The following GPBP1 variants were observed in gnomAD, a reference collection of about 807,000 sequenced individuals.
The protein encoded by GPBP1 is vasculin.
A neutral mutation model predicts 56.5 loss-of-function variants in GPBP1; 13 were observed. The ratio of observed to expected loss-of-function variants is 0.23; its 90% CI spans 0.15 to 0.37. The LOEUF is 0.37. Ranked by LOEUF, GPBP1 falls within the 10% of genes least tolerant of loss-of-function variation. GPBP1 has a pLI of 1.00. For synonymous variants in GPBP1, 204 were observed against 188.9 expected, an observed-to-expected ratio of 1.08 and a Z score of -0.66; for missense variants, 477 against 572.3, an observed-to-expected ratio of 0.83 and a Z score of 1.70.
intron 4 of GPBP1, 60 bp from the exon 5 acceptor site, chr5:57,231,038 G>A (rs957836914): frequency 1.9e-6 from 3 of 1,582,428 alleles, no homozygotes; most frequent in Non-Finnish European, 2.6e-6. Flanking sequence ...GTTTTGATGT[G>A]ATTCAATCTT....
chr5:57,209,551 A>G (rs1335325345), intron 2 of GPBP1, among the ~76,000 whole-genome samples: 1 of 152,150 alleles, frequency 6.6e-6, no homozygotes, highest in Non-Finnish European at 1.5e-5. Flanking sequence ...AAAGCAGGGC[A>G]TTCTTGTCTT....
chr5:57,216,997 G>A (rs993531695), intron 3 of GPBP1, among the ~76,000 whole-genome samples: 3 of 151,900 alleles, frequency 2.0e-5, no homozygotes, highest in African/African-American at 7.3e-5. Context: ...AATAAAAATA[G>A]AATAGTTTTT....
rs545962546 is a variant in GPBP1 at position 57,178,005 on chromosome 5, T to C, written c.-58+1605T>C. ...AGTGTTTCCCTTTGTTATAATAGAC[T>C]AGGTTATATGTGTTTTCTCTGTCAG... On this transcript the variant is annotated intron_variant, in intron 2 of 11. Transcript: ENST00000506184. Among the ~76,000 whole-genome samples the C allele has an allele frequency of 8.7e-4, 133 of 152,248 alleles. 1 individual carries two copies. Among genetic ancestry groups the C allele is most frequent in the African/African-American group, 3.1e-3 (129 of 41,538 alleles).
chr5:57,224,172 G>A (rs987456209), intron 3 of GPBP1, among the ~76,000 whole-genome samples: 2 of 151,506 alleles, frequency 1.3e-5, no homozygotes, highest in African/African-American at 2.4e-5. Context: ...CTAGAGACAG[G>A]GTCTCAGACT....
chr5:57,258,565 G>T (rs997300342), intron 10 of GPBP1, among the ~76,000 whole-genome samples: 1 of 152,190 alleles, frequency 6.6e-6, no homozygotes, highest in East Asian at 1.9e-4. Context: ...TCATATGTGC[G>T]GTTGTCTGAC....
chr5:57,242,190 C>G (rs974011598), intron 6 of GPBP1, among the ~76,000 whole-genome samples: 3 of 151,820 alleles, frequency 2.0e-5, no homozygotes, highest in African/African-American at 7.3e-5. Context: ...TTCTTTTTTC[C>G]CTCTGATATC....
intron 7 of GPBP1, 120 bp from the exon 8 acceptor site, chr5:57,246,955 C>T: frequency 1.3e-6 from 1 of 763,770 alleles, no homozygotes; most frequent in East Asian, 2.7e-5. Flanking sequence ...CAGTGTGATA[C>T]AAAAATAATT....
rs868574472 is a variant in GPBP1 at position 57,191,570 on chromosome 5, T to G, written c.-58+15170T>G. ...CATTTATCTTTAGGTTTTTTTTTTT[T>G]TTGTTTGTTTGAGACCGAGTGTCAC... is the stretch of plus-strand genomic sequence containing the variant. On this transcript the variant is annotated intron_variant, in intron 2 of 11. Coordinates refer to ENST00000506184, the MANE Select transcript of GPBP1 (RefSeq NM_022913.4). Among the ~76,000 whole-genome samples, 33 of 151,848 alleles carry G rather than the reference T, an allele frequency of 2.2e-4. No individual in the cohort carries two copies. In the South Asian group the frequency reaches 3.3e-3, roughly 15 times the overall value.
rs1753784293 is a variant in GPBP1, at chr5:57,176,256, GTAAC to G, written c.-200_-197del. On this transcript the variant is annotated 5_prime_UTR_variant, in exon 2 of 12. Coordinates refer to ENST00000506184, the MANE Select transcript of GPBP1 (RefSeq NM_022913.4). Reference sequence around the variant, plus strand: ...CAGAAGTATGGGTAGCTGACTTGAAGTAACTCTATGTCAAATAGTCGTAGGTTAA... The same window carrying G: ...CAGAAGTATGGGTAGCTGACTTGAAGTCTATGTCAAATAGTCGTAGGTTAA... 3 of 368,670 alleles carry G rather than the reference GTAAC, an allele frequency of 8.1e-6. No homozygotes were observed. The highest frequency in any genetic ancestry group is 1.4e-5 in the Non-Finnish European group (3 of 208,320). 22.8% of individuals were successfully genotyped at this position (368,670 alleles called of 1,614,324 possible).
chr5:57,193,126 G>T (rs985117640), intron 2 of GPBP1, among the ~76,000 whole-genome samples: 2 of 152,090 alleles, frequency 1.3e-5, no homozygotes, highest in Non-Finnish European at 2.9e-5. Context: ...AGACCAGCCT[G>T]GCCAACATGG....
intron 6 of GPBP1, among the ~76,000 whole-genome samples, chr5:57,242,580 G>A (rs1740881664): frequency 1.3e-5 from 2 of 152,004 alleles, no homozygotes; most frequent in Admixed American, 6.6e-5. Flanking sequence ...TGCAGCCCCA[G>A]CCTCCTAGGC....
intron 2 of GPBP1, among the ~76,000 whole-genome samples, chr5:57,203,525 A>T (rs1213841004): frequency 6.6e-6 from 1 of 152,160 alleles, no homozygotes; most frequent in Non-Finnish European, 1.5e-5. Flanking sequence ...CACCTGTGTA[A>T]TCCCAGCTAC....
chr5:57,176,763 A>T (rs1394866037), intron 2 of GPBP1, among the ~76,000 whole-genome samples: 1 of 152,170 alleles, frequency 6.6e-6, no homozygotes, highest in Non-Finnish European at 1.5e-5. Flanking sequence ...GTGTCTTCCT[A>T]GCCAGTTTGT....
chr5:57,183,662 C>A (rs568419186), intron 2 of GPBP1, among the ~76,000 whole-genome samples: 2 of 151,698 alleles, frequency 1.3e-5, no homozygotes, highest in African/African-American at 4.8e-5. Flanking sequence ...AAAAGAATTA[C>A]GATGAAAGTG....
intron 3 of GPBP1, among the ~76,000 whole-genome samples, chr5:57,229,818 C>T (rs573793532): frequency 3.3e-5 from 5 of 152,022 alleles, no homozygotes; most frequent in East Asian, 3.9e-4. Flanking sequence ...GGATTACAGG[C>T]GTGAGCCACC....
chr5:57,239,608 C>T (rs1445084136), intron 6 of GPBP1, among the ~76,000 whole-genome samples: 2 of 151,650 alleles, frequency 1.3e-5, no homozygotes, highest in Non-Finnish European at 2.9e-5. Context: ...TGGTGAAACC[C>T]GTTTCTACTA....
At chr5:57,225,868 G>T (rs950113666) in intron 3 of GPBP1, among the ~76,000 whole-genome samples, 1 of 152,192 alleles carries the variant, frequency 6.6e-6, no homozygotes, top group Non-Finnish European at 1.5e-5. Flanking sequence ...TGCCATCAAT[G>T]CAGCTCCTAA....
At chr5:57,219,426 A>AT (rs1755852937) in intron 3 of GPBP1, among the ~76,000 whole-genome samples, 1 of 148,862 alleles carries the variant, frequency 6.7e-6, no homozygotes, top group African/African-American at 2.5e-5. Flanking sequence ...AAACAAAAAA[A>AT]AAAACAACAA....
intron 3 of GPBP1, among the ~76,000 whole-genome samples, chr5:57,229,623 C>T (rs1281523169): frequency 1.3e-5 from 2 of 152,078 alleles, no homozygotes; most frequent in East Asian, 3.9e-4. Context: ...TGCAACCTGC[C>T]TCCCAGGTTC....
Sources: allele counts gnomAD v4.1 joint callset (sites outside exome capture counted in the v4.1 genomes callset), GRCh38; gene constraint gnomAD v4.1.1; transcripts MANE v1.5; gene names NCBI Gene and HGNC (gene_info 2026-07-23, HGNC 2026-07-21).